Variants in HIBADH observed in about 807,000 individuals in gnomAD.
HIBADH encodes 3-hydroxyisobutyrate dehydrogenase, also known as 3-hydroxyisobutyrate dehydrogenase, mitochondrial.
HIBADH carries 25 observed loss-of-function variants against 36.1 expected under a neutral mutation model. The observed-to-expected ratio is 0.69, with a 90% CI of 0.50 to 0.97. The LOEUF (loss-of-function observed/expected upper bound fraction) is 0.97, where lower values mean the gene tolerates loss of function less well. HIBADH is among the 50% of genes least tolerant of loss of function. The pLI is 0.00. For synonymous variants in HIBADH, 160 were observed against 149.5 expected, an observed-to-expected ratio of 1.07 and a Z score of -0.51; for missense variants, 421 against 418.0, an observed-to-expected ratio of 1.01 and a Z score of -0.06.
In HIBADH at chr7:27,597,699, G is replaced by A. The variant is rs1174267419; in HGVS notation, c.484+31672C>T. Among the ~76,000 whole-genome samples the A allele has an allele frequency of 3.9e-5, 6 of 152,030 alleles. No homozygotes were observed. In the East Asian group the frequency reaches 1.2e-3, roughly 29 times the overall value. Reference sequence around the variant, plus strand: ...TTCCTCCAACACCAATAAAAAGAGGGGCTTAAGACTGCAGATGCTGCTGCT... The same window carrying A: ...TTCCTCCAACACCAATAAAAAGAGGAGCTTAAGACTGCAGATGCTGCTGCT... On this transcript the variant is annotated intron_variant, in intron 4 of 7. Transcript: ENST00000265395.
chr7:27,526,118 G>T lies in HIBADH; in HGVS notation c.*96C>A. 9.9e-7 allele frequency: 1 copy of T among 1,010,368 alleles called. No homozygotes were observed. The highest frequency in any genetic ancestry group is 1.4e-6 in the Non-Finnish European group (1 of 727,432). 62.6% of individuals were successfully genotyped at this position (1,010,368 alleles called of 1,614,324 possible). A position where few individuals can be genotyped will look rare whatever the true frequency, so the allele number is the denominator to read the frequency against. On this transcript the variant is annotated 3_prime_UTR_variant, in exon 8 of 8. Coordinates refer to ENST00000265395, the MANE Select transcript of HIBADH (RefSeq NM_152740.4). ...CCTAGACAATCAAAAGCAGATAGGT[G>T]ACCTTTGATTAAATCCATTTACTTG...
At chr7:27,544,223 G>GAAGAGATACCTAA (rs1431286194) in intron 4 of HIBADH, among the ~76,000 whole-genome samples, 1 of 152,144 alleles carries the variant, frequency 6.6e-6, no homozygotes, top group Non-Finnish European at 1.5e-5. Flanking sequence ...AAGCCCAAGT[G>GAAGAGATACCTAA]AAGAGATACC....
Position 27,526,309 on chromosome 7 carries a change from C to A in HIBADH, c.916G>T (p.Ala306Ser), listed in dbSNP as rs757064892. The A allele has an allele frequency of 1.1e-5, 17 of 1,613,504 alleles. No individual in the cohort carries two copies. The highest frequency in any genetic ancestry group is 1.4e-5 in the Non-Finnish European group (17 of 1,179,760). The change falls in exon 8 of 8, where the codon GCC becomes TCC. Residue 306 changes from alanine (A) to serine (S), a missense_variant. Physicochemically the swap from Ala to Ser is moderately conservative, Grantham distance 99 (BLOSUM62 1). Coordinates refer to ENST00000265395, the MANE Select transcript of HIBADH (RefSeq NM_152740.4). The stretch of plus-strand genomic sequence containing the variant: ...CACATCATCCTGTAGATCTGATGGG[C>A]CAGACTGCCAAGAAGGATTGGGCTC... Reference protein sequence around the residue: ...TKSPILLGSLAHQIYRMMCAK... With the variant: ...TKSPILLGSLSHQIYRMMCAK...
chr7:27,649,663 G>A lies in HIBADH; in HGVS notation c.92-30C>T, dbSNP rs760554100. 58 of 1,498,090 alleles carry A rather than the reference G, an allele frequency of 3.9e-5. No homozygotes were observed. In the Admixed American group the frequency reaches 1.1e-3, roughly 28 times the overall value. The allele number at this position is 1,498,090 out of a possible 1,614,324, so 92.8% of individuals were successfully genotyped here. A position where few individuals can be genotyped will look rare whatever the true frequency, so the allele number is the denominator to read the frequency against. ...TTTCAATACATTATTTTCAATAGGGGCAAATAACATTTTTTATTGTAAACA... is the reference window on the plus strand; with the variant it reads ...TTTCAATACATTATTTTCAATAGGGACAAATAACATTTTTTATTGTAAACA... On this transcript the variant is annotated intron_variant, in intron 1 of 7. Transcript: ENST00000265395.
chr7:27,621,675 C>G (rs1785545786), intron 4 of HIBADH, among the ~76,000 whole-genome samples: 1 of 152,032 alleles, frequency 6.6e-6, no homozygotes, highest in South Asian at 2.1e-4. Context: ...GCCTGTAAAC[C>G]CAGCTACTCA....
chr7:27,625,995 G>A (rs1001218317), intron 4 of HIBADH, among the ~76,000 whole-genome samples: 3 of 151,336 alleles, frequency 2.0e-5, no homozygotes, highest in East Asian at 1.9e-4. Context: ...TCAGCTACTC[G>A]GGAGGCTGAG....
At chr7:27,600,289 T>A (rs1032180845) in intron 4 of HIBADH, among the ~76,000 whole-genome samples, 2 of 139,030 alleles carry the variant, frequency 1.4e-5, no homozygotes, top group Non-Finnish European at 3.1e-5. Flanking sequence ...TTTTTTTTTT[T>A]AAATGAAGAA....
intron 4 of HIBADH, among the ~76,000 whole-genome samples, chr7:27,580,468 C>T (rs1784771837): frequency 6.6e-6 from 1 of 152,138 alleles, no homozygotes; most frequent in African/African-American, 2.4e-5. Flanking sequence ...GAAAAGTTTT[C>T]AGGTGAGGAT....
intron 2 of HIBADH, chr7:27,647,830 T>A (rs1786101283): frequency 4.6e-6 from 1 of 216,556 alleles, no homozygotes; most frequent in Non-Finnish European, 1.1e-5. Context: ...ATCATTACAG[T>A]CGTTCCACAT....
chr7:27,585,388 C>G (rs1224609075), intron 4 of HIBADH, among the ~76,000 whole-genome samples: 1 of 152,152 alleles, frequency 6.6e-6, no homozygotes, highest in African/African-American at 2.4e-5. Context: ...TGAGGCTACA[C>G]ATCTTCCCTA....
At chr7:27,622,303 T>C (rs1018988283) in intron 4 of HIBADH, among the ~76,000 whole-genome samples, 4 of 151,930 alleles carry the variant, frequency 2.6e-5, no homozygotes, top group Non-Finnish European at 5.9e-5. Flanking sequence ...TTGGAACAAA[T>C]GAAAACAGAA....
intron 4 of HIBADH, among the ~76,000 whole-genome samples, chr7:27,569,393 T>C (rs1784597239): frequency 1.3e-5 from 2 of 152,152 alleles, no homozygotes. Context: ...TCATGAACAT[T>C]TGGGATATAA....
rs145954591 is a variant in HIBADH at position 27,611,670 on chromosome 7, G to A, written c.484+17701C>T. Among the ~76,000 whole-genome samples the A allele has an allele frequency of 1.4e-4, 22 of 152,288 alleles. No individual in the cohort carries two copies. The East Asian group carries it at 4.1e-3, about 28-fold the overall frequency. On this transcript the variant is annotated intron_variant, in intron 4 of 7. Coordinates refer to ENST00000265395, the MANE Select transcript of HIBADH (RefSeq NM_152740.4). ...CATGGGCTAATTTATATAAAGCCCA[G>A]TTCACTTTACTTTGGAAACAACAAA...
intron 1 of HIBADH, among the ~76,000 whole-genome samples, chr7:27,651,659 C>A (rs528261413): frequency 7.9e-4 from 121 of 152,288 alleles, no homozygotes; most frequent in African/African-American, 2.7e-3. Flanking sequence ...CTAGGTCAAA[C>A]AATTCATAAG....
At chr7:27,601,055 T>G (rs979698715) in intron 4 of HIBADH, among the ~76,000 whole-genome samples, 2 of 152,112 alleles carry the variant, frequency 1.3e-5, no homozygotes, top group African/African-American at 4.8e-5. Context: ...CAAAGGAAAA[T>G]GTTATAAACA....
chr7:27,595,840 A>G (rs898826115), intron 4 of HIBADH, among the ~76,000 whole-genome samples: 1 of 152,152 alleles, frequency 6.6e-6, no homozygotes, highest in Non-Finnish European at 1.5e-5. Context: ...ATCACTTTTT[A>G]AAAAGGCAAA....
At chr7:27,554,515 C>T (rs538458671) in intron 4 of HIBADH, among the ~76,000 whole-genome samples, 114 of 152,274 alleles carry the variant, frequency 7.5e-4, no homozygotes, top group Non-Finnish European at 1.2e-3. Context: ...ACCACCAATA[C>T]CACACCCTTC....
At chr7:27,527,943 A>G (rs202029543) in intron 7 of HIBADH, among the ~76,000 whole-genome samples, 3 of 20,418 alleles carry the variant, frequency 1.5e-4, no homozygotes, top group African/African-American at 1.3e-3. Flanking sequence ...TTTTTTTTTT[A>G]GTAGAGACAG....
chr7:27,606,473 T>C (rs1170406265), intron 4 of HIBADH, among the ~76,000 whole-genome samples: 1 of 152,048 alleles, frequency 6.6e-6, no homozygotes, highest in Non-Finnish European at 1.5e-5. Flanking sequence ...CCTGCAAGAG[T>C]TTCAAAGTTC....
Sources: gnomAD v4.1 joint callset for allele counts (sites outside exome capture counted in the v4.1 genomes callset) on GRCh38, gnomAD v4.1.1 for gene constraint, MANE v1.5 for transcripts, NCBI Gene and HGNC (gene_info 2026-07-23, HGNC 2026-07-21) for gene names.